SLC25A38: variants seen among roughly 807,000 people sequenced by gnomAD.
SLC25A38 encodes the protein solute carrier family 25 member 38, also known as mitochondrial glycine transporter.
Under a neutral mutation model 33.4 loss-of-function variants are expected in SLC25A38, and 27 were observed. That is an observed-to-expected ratio of 0.81 (90% CI 0.60 to 1.11). The LOEUF is 1.11. Among genes scored for constraint, SLC25A38 ranks in the 50% most tolerant of loss-of-function variants. The pLI is 0.00. For synonymous variants in SLC25A38, 123 were observed against 145.9 expected (o/e 0.84, Z 1.13); for missense variants, 344 against 388.8 (o/e 0.88, Z 0.97).
At chr3:39,388,639 GTTTATTTA>G (rs1046821338) in intron 1 of SLC25A38, among the ~76,000 whole-genome samples, 1 of 152,084 alleles carries the variant, frequency 6.6e-6, no homozygotes, top group African/African-American at 2.4e-5. Context: ...ATAGCTATTT[GTTTATTTA>G]TTTATTTATT....
intron 1 of SLC25A38, chr3:39,388,283 TTTGG>T (rs1340226114): frequency 6.6e-6 from 1 of 152,210 alleles, no homozygotes; most frequent in African/African-American, 2.4e-5. Context: ...CAGACCACCC[TTTGG>T]TACTTCAGAA....
In SLC25A38 at chr3:39,383,690, C is replaced by T. The variant is rs766968540; in HGVS notation, c.-35C>T. The T allele has an allele frequency of 2.5e-6, 4 of 1,613,396 alleles. No individual in the cohort carries two copies. The highest frequency in any genetic ancestry group is 3.4e-6 in the Non-Finnish European group (4 of 1,179,444). ...TGGGCCCAAGCGCCCGTCGACGGCA[C>T]CCTGGGCCCAGAGGACTCGCGGGCC... On this transcript the variant is annotated 5_prime_UTR_variant, in exon 1 of 7. Transcript: ENST00000650617.
Position 39,392,014 on chromosome 3 carries a change from G to A in SLC25A38, c.618G>A (p.Val206=). ...LMFYNQTKNI[V]PHDQVDATLI... ...TTTACAACCAGACCAAAAATATAGT[G>A]CCTCATGGTAGGGATAAAGGAAGAT... Residue 206 remains valine (V), a synonymous_variant, in exon 5 of 7, where the codon GTG becomes GTA. Coordinates refer to ENST00000650617, the MANE Select transcript of SLC25A38 (RefSeq NM_017875.4). 1.9e-6 allele frequency: 3 copies of A among 1,614,140 alleles called. No individual in the cohort carries two copies. The highest frequency in any genetic ancestry group is 2.5e-6 in the Non-Finnish European group (3 of 1,180,026).
intron 3 of SLC25A38, 115 bp from the exon 4 acceptor site, chr3:39,391,326 C>T (rs564677538): frequency 1.2e-5 from 17 of 1,454,982 alleles, no homozygotes; most frequent in Middle Eastern, 4.8e-4. Flanking sequence ...CCTTCCACAC[C>T]TTAAACAAAG....
intron 1 of SLC25A38, chr3:39,387,688 G>A (rs1165852572): frequency 1.3e-5 from 2 of 152,632 alleles, no homozygotes; most frequent in African/African-American, 2.4e-5. Flanking sequence ...GGCCAGCCTG[G>A]GCTGGAGATG....
chr3:39,393,802 C>T (rs565534420), intron 5 of SLC25A38, among the ~76,000 whole-genome samples: 34 of 152,318 alleles, frequency 2.2e-4, no homozygotes, highest in Non-Finnish European at 4.1e-4. Context: ...CTTTAACCTA[C>T]AGTCCATATT....
At chr3:39,384,266 C>T (rs13096318) in intron 1 of SLC25A38, among the ~76,000 whole-genome samples, 39,499 of 152,170 alleles carry the variant, frequency 0.26, 5,659 homozygotes, top group Non-Finnish European at 0.31. Context: ...GTGGCGGCAC[C>T]CTTCCAGCCT....
intron 1 of SLC25A38, chr3:39,384,470 C>G: frequency 5.2e-6 from 2 of 383,786 alleles, no homozygotes; most frequent in Non-Finnish European, 9.2e-6. Context: ...TGCCGCAGCT[C>G]TCCCTCTGAG....
intron 1 of SLC25A38, chr3:39,388,433 T>C (rs1258873811): frequency 6.6e-6 from 1 of 152,228 alleles, no homozygotes; most frequent in East Asian, 1.9e-4. Context: ...CTCTTCTCTG[T>C]TAAGCAAATA....
chr3:39,390,608 A>C, intron 3 of SLC25A38, 101 bp downstream of exon 3: 2 of 1,169,246 alleles, frequency 1.7e-6, no homozygotes, highest in Non-Finnish European at 2.6e-6. Flanking sequence ...GAGAGTCAGA[A>C]GTGGTGGGAG....
rs200152652 is a variant in SLC25A38, at chr3:39,394,486, A to G, written c.702A>G (p.Val234=). ...GIFAGILASL[V]TQPADVIKTH... The stretch of plus-strand genomic sequence containing the variant: ...TTGCTGGTATTCTGGCCTCACTGGT[A>G]ACTCAACCTGCGGATGTTATCAAAA... The change falls in exon 6 of 7, where the codon GTA becomes GTG. Residue 234 remains valine, a synonymous_variant. Coordinates refer to ENST00000650617, the MANE Select transcript of SLC25A38 (RefSeq NM_017875.4). 1.2e-5 allele frequency: 20 copies of G among 1,614,122 alleles called. No homozygotes were observed. Among genetic ancestry groups the G allele is most frequent in the Non-Finnish European group, 1.4e-5 (16 of 1,180,030 alleles).
At position 39,396,972 on chromosome 3, in the gene SLC25A38, C is replaced by G. The variant is rs1438622351; in HGVS notation, c.*452C>G. On this transcript the variant is annotated 3_prime_UTR_variant, in exon 7 of 7. Transcript: ENST00000650617. The stretch of plus-strand genomic sequence containing the variant: ...ATGTGAGGAGAGGAGTCACTGTCAC[C>G]AGGTCACAGACTGACTGAGGTGATG... 3.6e-6 allele frequency: 1 copy of G among 275,416 alleles called. No individual in the cohort carries two copies. Among genetic ancestry groups the G allele is most frequent in the Non-Finnish European group, 7.2e-6 (1 of 139,562 alleles). The allele number at this position is 275,416 out of a possible 1,614,324, so 17.1% of individuals were successfully genotyped here.
rs1270823502 is a variant in SLC25A38 at position 39,383,638 on chromosome 3, C to G, written c.-87C>G. ...GCGCGTCGCCTGGCTAGCGCCACCC[C>G]CTAGCCTTCTTCAAGGCCTCCAGGG... On this transcript the variant is annotated 5_prime_UTR_variant, in exon 1 of 7. Transcript: ENST00000650617. 18 of 1,499,380 alleles carry G rather than the reference C, an allele frequency of 1.2e-5. No individual in the cohort carries two copies. Among genetic ancestry groups the G allele is most frequent in the African/African-American group, 4.1e-5 (3 of 72,594 alleles). 92.9% of individuals were successfully genotyped at this position (1,499,380 alleles called of 1,614,324 possible). A position where few individuals can be genotyped will look rare whatever the true frequency, so the allele number is the denominator to read the frequency against.
chr3:39,388,904 A>G (rs1479525227), intron 1 of SLC25A38, among the ~76,000 whole-genome samples: 1 of 152,206 alleles, frequency 6.6e-6, no homozygotes, highest in Non-Finnish European at 1.5e-5. Context: ...AAGGAGAAGC[A>G]GCAAAGCCAG....
At position 39,392,008 on chromosome 3, in the gene SLC25A38, T is replaced by C. The variant is rs766159058; in HGVS notation, c.612T>C (p.Asn204=). 1.2e-6 allele frequency: 2 copies of C among 1,614,124 alleles called. No homozygotes were observed. The highest frequency in any genetic ancestry group is 1.7e-6 in the Non-Finnish European group (2 of 1,180,018). Residue 204 remains asparagine (N), a synonymous_variant, in exon 5 of 7, where the codon AAT becomes AAC. Coordinates refer to ENST00000650617, the MANE Select transcript of SLC25A38 (RefSeq NM_017875.4). ...IYLMFYNQTK[N]IVPHDQVDAT... is the part of the protein sequence containing the mutation. ...TGATGTTTTACAACCAGACCAAAAATATAGTGCCTCATGGTAGGGATAAAG... is the reference window on the plus strand; with the variant it reads ...TGATGTTTTACAACCAGACCAAAAACATAGTGCCTCATGGTAGGGATAAAG...
chr3:39,390,503 C>G lies in SLC25A38; in HGVS notation c.272C>G (p.Ser91Cys). 6.2e-7 allele frequency: 1 copy of G among 1,614,010 alleles called. No homozygotes were observed. The highest frequency in any genetic ancestry group is 2.2e-5 in the East Asian group (1 of 44,870). The change falls in exon 3 of 7, where the codon TCC becomes TGC. Residue 91 changes from serine to cysteine, a missense_variant. Physicochemically the swap from Ser to Cys is moderately radical, Grantham distance 112. Coordinates refer to ENST00000650617, the MANE Select transcript of SLC25A38 (RefSeq NM_017875.4). ...ESLLGLWKGMSPSIVRCVPGV... is the reference protein window; with the variant it reads ...ESLLGLWKGMCPSIVRCVPGV... ...CTTTTGGGCCTTTGGAAAGGGATGT[C>G]CCCTGTAAGCTGCCATCTGGGTCTA... is the stretch of plus-strand genomic sequence containing the variant.
intron 1 of SLC25A38, among the ~76,000 whole-genome samples, chr3:39,388,073 G>A (rs1055412753): frequency 2.0e-5 from 3 of 152,120 alleles, no homozygotes; most frequent in Non-Finnish European, 4.4e-5. Context: ...AAGAGGAGAT[G>A]CCAGTGGGAG....
chr3:39,391,950 T>A lies in SLC25A38; in HGVS notation c.554T>A (p.Leu185His). The A allele has an allele frequency of 6.2e-7, 1 of 1,614,190 alleles. No individual in the cohort carries two copies. The change falls in exon 5 of 7, where the codon CTC (leucine) becomes CAC (histidine). Residue 185 changes from leucine (L) to histidine (H), a missense_variant. Around this residue, in one of 2 missense-constraint regions of SLC25A38, gnomAD observed 269 missense variants for 271.8 expected, o/e 0.99. Coordinates refer to ENST00000650617, the MANE Select transcript of SLC25A38 (RefSeq NM_017875.4). ...CTCTTCAGTGGCCTGACAGCAACTCTCCTTCGAGATGCGCCCTTCTCAGGA... is the reference window on the plus strand; with the variant it reads ...CTCTTCAGTGGCCTGACAGCAACTCACCTTCGAGATGCGCCCTTCTCAGGA... ...RGLFSGLTAT[L>H]LRDAPFSGIY... is the part of the protein sequence containing the mutation.
At chr3:39,396,146 G>T (rs2041826897) in intron 6 of SLC25A38, among the ~76,000 whole-genome samples, 1 of 151,848 alleles carries the variant, frequency 6.6e-6, no homozygotes, top group African/African-American at 2.4e-5. Context: ...GGAGGCAGAG[G>T]TTGCAGTGAG....
Sources: allele counts gnomAD v4.1 joint callset (sites outside exome capture counted in the v4.1 genomes callset), GRCh38; gene constraint gnomAD v4.1.1; regional missense constraint gnomAD v4.1.1; transcripts MANE v1.5; gene names NCBI Gene and HGNC (gene_info 2026-07-23, HGNC 2026-07-21).